Variants in OCEL1 observed in about 807,000 individuals in gnomAD.
The protein encoded by OCEL1 is occludin/ELL domain-containing protein 1.
A neutral mutation model predicts 29.4 loss-of-function variants in OCEL1; 24 were observed. The ratio of observed to expected loss-of-function variants is 0.82; its 90% CI spans 0.59 to 1.15. The LOEUF (loss-of-function observed/expected upper bound fraction) is 1.15, where lower values mean the gene tolerates loss of function less well. Among genes scored for constraint, OCEL1 ranks in the 50% most tolerant of loss-of-function variants. The pLI is 0.00. For synonymous variants in OCEL1, 172 were observed against 145.3 expected (o/e 1.18, Z -1.32); for missense variants, 402 against 352.5 (o/e 1.14, Z -1.13).
In OCEL1 at chr19:17,226,596, C is replaced by T. The variant is rs1272460064; in HGVS notation, c.70-97C>T. The T allele has an allele frequency of 6.2e-6, 8 of 1,298,580 alleles. No homozygotes were observed. The Admixed American group carries it at 1.5e-4, about 24-fold the overall frequency. 80.4% of individuals were successfully genotyped at this position (1,298,580 alleles called of 1,614,324 possible). ...CGGTCGTTCTGGGGAACTCTGCTCC[C>T]GCGGGGTGAGAGTTGGCCGCTCTTC... is the stretch of plus-strand genomic sequence containing the variant. On this transcript the variant is annotated intron_variant, in intron 1 of 5. Transcript: ENST00000215061.
Position 17,229,019 on chromosome 19 carries a change from C to T in OCEL1, c.*94C>T. On this transcript the variant is annotated 3_prime_UTR_variant, in exon 6 of 6. Transcript: ENST00000215061. ...CTTTTCCTCTTGCAGCTCCCCCTAC[C>T]AGGGGTCGCTTTCTCCTGGATTGCA... The T allele has an allele frequency of 1.4e-6, 2 of 1,448,802 alleles. No homozygotes were observed. The highest frequency in any genetic ancestry group is 2.4e-5 in the East Asian group (1 of 41,884). The allele number at this position is 1,448,802 out of a possible 1,614,324, so 89.7% of individuals were successfully genotyped here.
At position 17,226,795 on chromosome 19, in the gene OCEL1, C is replaced by T; in HGVS notation, c.172C>T (p.Pro58Ser). ...PLSCFSRRPM[P>S]TREPPKTRGS... ...GAGCTGCTTCTCCCGGAGGCCGATGCCCACCCGGGAGCCCCCAAAGACTCG... is the reference window on the plus strand; with the variant it reads ...GAGCTGCTTCTCCCGGAGGCCGATGTCCACCCGGGAGCCCCCAAAGACTCG... Residue 58 changes from proline to serine, a missense_variant, in exon 2 of 6, where the codon CCC becomes TCC. Pro to Ser is a moderately conservative substitution (Grantham distance 74, BLOSUM62 -1). Coordinates refer to ENST00000215061, the MANE Select transcript of OCEL1 (RefSeq NM_024578.3). 1 of 1,594,430 alleles carries T rather than the reference C, an allele frequency of 6.3e-7. No homozygotes were observed. The highest frequency in any genetic ancestry group is 8.5e-7 in the Non-Finnish European group (1 of 1,173,608).
chr19:17,228,854 C>T lies in OCEL1; in HGVS notation c.724C>T (p.Leu242=). ...QARCHYLKGK[L]RHLKTQIQKF... ...TCGCTGCCACTACCTGAAGGGTAAA[C>T]TGAGGCATCTCAAGACTCAGATCCA... The change falls in exon 6 of 6, where the codon CTG becomes TTG. Residue 242 remains leucine (L), a synonymous_variant. Coordinates refer to ENST00000215061, the MANE Select transcript of OCEL1 (RefSeq NM_024578.3). The T allele has an allele frequency of 1.9e-6, 3 of 1,613,944 alleles. No individual in the cohort carries two copies. The highest frequency in any genetic ancestry group is 2.5e-6 in the Non-Finnish European group (3 of 1,179,958).
intron 5 of OCEL1, 27 bp from the exon 6 acceptor site, chr19:17,228,776 A>G (rs1457397954): frequency 6.2e-7 from 1 of 1,609,228 alleles, no homozygotes; most frequent in African/African-American, 1.3e-5. Context: ...GACTGCTGCA[A>G]AGACTTCCGG....
chr19:17,226,649 C>G, intron 1 of OCEL1, 44 bp from the exon 2 acceptor site: 2 of 1,424,936 alleles, frequency 1.4e-6, no homozygotes, highest in Non-Finnish European at 1.8e-6. Flanking sequence ...GTCCTTTCTC[C>G]GTGCGCGTCG....
In OCEL1 at chr19:17,226,805, A is replaced by T. The variant is rs758052194; in HGVS notation, c.182A>T (p.Glu61Val). The change falls in exon 2 of 6, where the codon GAG (glutamate) becomes GTG (valine). Residue 61 changes from glutamate (E) to valine (V), a missense_variant. Glu to Val is a moderately radical substitution (Grantham distance 121, BLOSUM62 -2). Transcript: ENST00000215061. ...TCCCGGAGGCCGATGCCCACCCGGG[A>T]GCCCCCAAAGACTCGCGGCTCCCGG... ...CFSRRPMPTR[E>V]PPKTRGSRGH... The T allele has an allele frequency of 1.9e-6, 3 of 1,593,472 alleles. No homozygotes were observed. The highest frequency in any genetic ancestry group is 1.7e-6 in the Non-Finnish European group (2 of 1,173,360).
In OCEL1 at chr19:17,226,302, C is replaced by T. The variant is rs760639067; in HGVS notation, c.55C>T (p.Gln19Ter). Residue 19 changes from glutamine to a stop codon, truncating the protein, a stop_gained, in exon 1 of 6, where the codon CAG becomes TAG. Coordinates refer to ENST00000215061, the MANE Select transcript of OCEL1 (RefSeq NM_024578.3). LOFTEE classifies it high-confidence loss of function. ...GACAGCAGATCCAGGCTCGGAGCTC[C>T]AGACGCTGGGACAGGTGACCCGGGG... is the stretch of plus-strand genomic sequence containing the variant. ...SPTADPGSEL[Q>*]TLGQAARRPP... The T allele has an allele frequency of 2.6e-5, 42 of 1,612,062 alleles. No individual in the cohort carries two copies. The highest frequency in any genetic ancestry group is 1.6e-4 in the Middle Eastern group (1 of 6,080).
intron 4 of OCEL1, 92 bp from the exon 5 acceptor site, chr19:17,228,164 A>G: frequency 6.5e-7 from 1 of 1,543,572 alleles, no homozygotes. Flanking sequence ...AGTCCCCACT[A>G]GATGGGCATT....
At position 17,228,802 on chromosome 19, in the gene OCEL1, G is replaced by C; in HGVS notation, c.673-1G>C. ...AGACTTCCGGGTCTCGCCCTGCCTA[G>C]GATCCTGGCTTCCTGGACAAGCAGG... On this transcript the variant is annotated splice_acceptor_variant, in intron 5 of 5. Transcript: ENST00000215061. LOFTEE classifies it high-confidence loss of function. The C allele has an allele frequency of 6.2e-7, 1 of 1,612,770 alleles. No individual in the cohort carries two copies. Among genetic ancestry groups the C allele is most frequent in the Non-Finnish European group, 8.5e-7 (1 of 1,179,770 alleles).
At chr19:17,226,592 C>T in intron 1 of OCEL1, 101 bp from the exon 2 acceptor site, 1 of 1,276,900 alleles carries the variant, frequency 7.8e-7, no homozygotes, top group Non-Finnish European at 1.0e-6. Flanking sequence ...GGGAACTCTG[C>T]TCCCGCGGGG....
In OCEL1 at chr19:17,227,046, G is replaced by A. The variant is rs778890320; in HGVS notation, c.299G>A (p.Cys100Tyr). ...GLKTSAPRPP[C>Y]QPQPGPHKAK... ...AAAACCAGCGCCCCCCGCCCTCCGT[G>A]CCAGCCCCAGCCGGGACCCCACAAG... The change falls in exon 3 of 6, where the codon TGC (cysteine) becomes TAC (tyrosine). Residue 100 changes from cysteine to tyrosine, a missense_variant. Cys to Tyr is a radical substitution (Grantham distance 194, BLOSUM62 -2). Coordinates refer to ENST00000215061, the MANE Select transcript of OCEL1 (RefSeq NM_024578.3). 1 of 1,608,254 alleles carries A rather than the reference G, an allele frequency of 6.2e-7. No homozygotes were observed. Among genetic ancestry groups the A allele is most frequent in the South Asian group, 1.1e-5 (1 of 90,294 alleles).
chr19:17,228,701 G>A, intron 5 of OCEL1, 102 bp from the exon 6 acceptor site: 1 of 1,503,646 alleles, frequency 6.7e-7, no homozygotes, highest in Non-Finnish European at 8.9e-7. Flanking sequence ...CCAGTTTCAA[G>A]GAGAGAAAAT....
At position 17,227,106 on chromosome 19, in the gene OCEL1, T is replaced by G. The variant is rs1223012409; in HGVS notation, c.359T>G (p.Leu120Trp). ...AAGAAGATTGTGTTTGAGGATGAGT[T>G]GCTCTCCCAGGCCCTCCTGGGCGCC... ...KTKKIVFEDE[L>W]LSQALLGAKK... The change falls in exon 3 of 6, where the codon TTG becomes TGG. Residue 120 changes from leucine (L) to tryptophan (W), a missense_variant. By Grantham distance (61) the Leu-to-Trp change is moderately conservative. Transcript: ENST00000215061. 1 of 1,607,968 alleles carries G rather than the reference T, an allele frequency of 6.2e-7. No individual in the cohort carries two copies.
At chr19:17,228,616 C>T (rs547796655) in intron 5 of OCEL1, 187 bp from the exon 6 acceptor site, 14 of 697,582 alleles carry the variant, frequency 2.0e-5, no homozygotes, top group African/African-American at 1.8e-4. Context: ...TCAAGTGATC[C>T]GCCCACCTCG....
At position 17,228,928 on chromosome 19, in the gene OCEL1, GC is replaced by G. The variant is rs1214361812; in HGVS notation, c.*7del. ...GCGAGGGCTCCGTGTACTTCTAAGT[GC>G]CCCTGCAGATGGGCAGAGGGATGCA... is the stretch of plus-strand genomic sequence containing the variant. On this transcript the variant is annotated 3_prime_UTR_variant, in exon 6 of 6. Coordinates refer to ENST00000215061, the MANE Select transcript of OCEL1 (RefSeq NM_024578.3). 3 of 1,611,624 alleles carry G rather than the reference GC, an allele frequency of 1.9e-6. No homozygotes were observed. Among genetic ancestry groups the G allele is most frequent in the Non-Finnish European group, 1.7e-6 (2 of 1,179,266 alleles).
Position 17,226,733 on chromosome 19 carries a change from C to T in OCEL1, c.110C>T (p.Ala37Val). 2.6e-6 allele frequency: 4 copies of T among 1,542,886 alleles called. No individual in the cohort carries two copies. The highest frequency in any genetic ancestry group is 3.5e-6 in the Non-Finnish European group (4 of 1,151,696). Residue 37 changes from alanine (A) to valine (V), a missense_variant, in exon 2 of 6, where the codon GCC becomes GTC. Transcript: ENST00000215061. ...CCCCCGCCGCGCGCGGGACACGACGCCCCCCGCAGGACCCGCCCATCAGCC... is the reference window on the plus strand; with the variant it reads ...CCCCCGCCGCGCGCGGGACACGACGTCCCCCGCAGGACCCGCCCATCAGCC... ...RPPPPRAGHD[A>V]PRRTRPSARK...
At chr19:17,228,416 C>T (rs10415119) in intron 5 of OCEL1, 107 bp downstream of exon 5, 528,583 of 1,182,796 alleles carry the variant, frequency 0.45, 121,003 homozygotes, top group African/African-American at 0.72. Flanking sequence ...GACAGAATCT[C>T]GCTCTGTCAC....
chr19:17,228,904 C>G lies in OCEL1; in HGVS notation c.774C>G (p.Ser258Arg), dbSNP rs201691896. ...AGAAATTCGATGACCAAGGAGACAG[C>G]GAGGGCTCCGTGTACTTCTAAGTGC... Reference protein sequence around the residue: ...QIQKFDDQGDSEGSVYF With the variant: ...QIQKFDDQGDREGSVYF Residue 258 changes from serine to arginine, a missense_variant, in exon 6 of 6, where the codon AGC becomes AGG. Ser to Arg is a moderately radical substitution (Grantham distance 110). Transcript: ENST00000215061. 1 of 1,613,094 alleles carries G rather than the reference C, an allele frequency of 6.2e-7. No homozygotes were observed. Among genetic ancestry groups the G allele is most frequent in the South Asian group, 1.1e-5 (1 of 91,074 alleles).
Position 17,228,983 on chromosome 19 carries a change from G to T in OCEL1, c.*58G>T. On this transcript the variant is annotated 3_prime_UTR_variant, in exon 6 of 6. Transcript: ENST00000215061. ...GGATGCAGGTCCCTTGCATTTCTTG[G>T]TATCTCTCAGCTTTTCCTCTTGCAG... 1 of 1,575,328 alleles carries T rather than the reference G, an allele frequency of 6.3e-7. No individual in the cohort carries two copies. The highest frequency in any genetic ancestry group is 1.1e-5 in the South Asian group (1 of 88,986).
Sources: gnomAD v4.1 joint callset for allele counts on GRCh38, gnomAD v4.1.1 for gene constraint, MANE v1.5 for transcripts, NCBI Gene and HGNC (gene_info 2026-07-23, HGNC 2026-07-21) for gene names.